The following SYN3 variants were observed in gnomAD, a reference collection of about 807,000 sequenced individuals.
SYN3 encodes synapsin-3.
In SYN3, 35 loss-of-function variants were observed where a neutral mutation model predicts 65.8. The observed-to-expected ratio is 0.53, with a 90% CI of 0.41 to 0.70. The LOEUF is 0.70. Among genes scored for constraint, SYN3 ranks in the 30% least tolerant of loss-of-function variants. The pLI is 0.00. For missense variants in SYN3, 680 were observed against 749.0 expected (o/e 0.91, Z 1.08); for synonymous variants, 270 against 292.9 (o/e 0.92, Z 0.80).
chr22:32,670,358 AT>A (rs1449232503), intron 6 of SYN3, among the ~76,000 whole-genome samples: 2 of 152,192 alleles, frequency 1.3e-5, no homozygotes, highest in African/African-American at 4.8e-5. Context: ...AGGGAATCTG[AT>A]TACACTGGTA....
chr22:32,832,611 G>C (rs1156237886), intron 6 of SYN3, among the ~76,000 whole-genome samples: 2 of 150,762 alleles, frequency 1.3e-5, no homozygotes, highest in Non-Finnish European at 2.9e-5. Context: ...AGTAGAGTAC[G>C]TAGAGTTATT....
intron 6 of SYN3, among the ~76,000 whole-genome samples, chr22:32,760,449 A>T (rs2045447464): frequency 6.6e-6 from 1 of 152,130 alleles, no homozygotes; most frequent in African/African-American, 2.4e-5. Flanking sequence ...ACATGAGGAA[A>T]CGGGGCTCAG....
At position 32,761,940 on chromosome 22, in the gene SYN3, G is replaced by A. The variant is rs929012; in HGVS notation, c.711+102975C>T. Among the ~76,000 whole-genome samples, 290 of 152,294 alleles carry A rather than the reference G, an allele frequency of 1.9e-3. 1 individual carries two copies. The East Asian group carries it at 0.02, about 10-fold the overall frequency. On this transcript the variant is annotated intron_variant, in intron 6 of 13. Transcript: ENST00000358763. ...GGAAGACCTGAAAACGGGGTCCTGC[G>A]GGGCTTGTGAATGACTCAGATGCTG...
chr22:32,613,921 A>C (rs1336860551), intron 6 of SYN3, among the ~76,000 whole-genome samples: 1 of 152,132 alleles, frequency 6.6e-6, no homozygotes, highest in Non-Finnish European at 1.5e-5. Flanking sequence ...GAGCACTTAA[A>C]ACTACAGTCT....
At chr22:32,797,343 C>G (rs147643386) in intron 6 of SYN3, among the ~76,000 whole-genome samples, 1 of 152,246 alleles carries the variant, frequency 6.6e-6, no homozygotes, top group East Asian at 1.9e-4. Flanking sequence ...TAGACTCCAG[C>G]AAGGGAAACA....
intron 6 of SYN3, among the ~76,000 whole-genome samples, chr22:32,823,176 A>G (rs8135037): frequency 0.011 from 1,685 of 152,298 alleles, 33 homozygotes; most frequent in African/African-American, 0.038. Context: ...CTAGAGCATC[A>G]TGTAGGAAGC....
intron 6 of SYN3, chr22:32,862,757 G>C (rs1177347761): frequency 3.8e-4 from 58 of 152,544 alleles, no homozygotes; most frequent in Non-Finnish European, 1.2e-4. Context: ...TTTTTGCTTT[G>C]GGGGTAGAGG....
chr22:32,815,099 T>A lies in SYN3; in HGVS notation c.711+49816A>T, dbSNP rs147737918. Among the ~76,000 whole-genome samples the A allele has an allele frequency of 5.7e-3, 866 of 152,358 alleles. 11 individuals are homozygous for A. The highest frequency in any genetic ancestry group is 0.018 in the African/African-American group (749 of 41,582). ...AGCTACCTGTGGTTAGTGGCCGCCA[T>A]GTTAATACTACAGCACAGGTCAAGA... On this transcript the variant is annotated intron_variant, in intron 6 of 13. Coordinates refer to ENST00000358763, the MANE Select transcript of SYN3 (RefSeq NM_003490.4).
intron 6 of SYN3, among the ~76,000 whole-genome samples, chr22:32,658,081 A>G (rs1457138488): frequency 6.6e-6 from 1 of 152,066 alleles, no homozygotes; most frequent in African/African-American, 2.4e-5. Flanking sequence ...AAGCATGCTG[A>G]GGGGGAGGAG....
At chr22:32,802,535 G>A (rs1225722648) in intron 6 of SYN3, among the ~76,000 whole-genome samples, 4 of 150,304 alleles carry the variant, frequency 2.7e-5, no homozygotes, top group African/African-American at 7.3e-5. Context: ...AAAGTTGCCC[G>A]CCATGTGCAC....
At chr22:32,750,955 G>A (rs2045103631) in intron 6 of SYN3, among the ~76,000 whole-genome samples, 1 of 152,138 alleles carries the variant, frequency 6.6e-6, no homozygotes, top group Non-Finnish European at 1.5e-5. Context: ...ACATCCAGGG[G>A]AGACACCTCA....
intron 7 of SYN3, among the ~76,000 whole-genome samples, chr22:32,593,359 T>C (rs1053213254): frequency 1.3e-5 from 2 of 151,674 alleles, no homozygotes; most frequent in African/African-American, 4.9e-5. Context: ...CTGTTGGGGA[T>C]TATTTTAAGC....
intron 7 of SYN3, among the ~76,000 whole-genome samples, chr22:32,590,555 G>A (rs994853124): frequency 3.9e-5 from 6 of 152,200 alleles, no homozygotes; most frequent in Non-Finnish European, 8.8e-5. Flanking sequence ...AATAACTCCT[G>A]TGCGATCAGC....
At chr22:32,982,806 G>C (rs1024506608) in intron 2 of SYN3, among the ~76,000 whole-genome samples, 1 of 152,176 alleles carries the variant, frequency 6.6e-6, no homozygotes, top group South Asian at 2.1e-4. Flanking sequence ...TCTTGTGCTA[G>C]AAACTCTGCT....
intron 3 of SYN3, among the ~76,000 whole-genome samples, chr22:32,970,703 C>T (rs1601813712): frequency 1.3e-5 from 2 of 151,946 alleles, no homozygotes; most frequent in East Asian, 3.9e-4. Flanking sequence ...TGAATAATAA[C>T]CATTGGGGTT....
chr22:32,858,239 G>A, intron 6 of SYN3: 1 of 1,538,108 alleles, frequency 6.5e-7, no homozygotes, highest in Non-Finnish European at 8.9e-7. Flanking sequence ...CGGCTGGGAA[G>A]GGTATGCATG....
At chr22:32,869,367 T>TCTCACACA (rs61464794) in intron 4 of SYN3, among the ~76,000 whole-genome samples, 17 of 142,476 alleles carry the variant, frequency 1.2e-4, no homozygotes, top group African/African-American at 4.2e-4. Flanking sequence ...TCTCTCTCTC[T>TCTCACACA]CACAGGCTCT....
intron 2 of SYN3, among the ~76,000 whole-genome samples, chr22:32,981,483 G>A (rs1389090188): frequency 6.6e-6 from 1 of 151,834 alleles, no homozygotes; most frequent in Non-Finnish European, 1.5e-5. Context: ...TACCCGGGAG[G>A]CTGAGGCAGG....
intron 7 of SYN3, among the ~76,000 whole-genome samples, chr22:32,576,210 T>C (rs1044832211): frequency 6.6e-6 from 1 of 152,066 alleles, no homozygotes; most frequent in Non-Finnish European, 1.5e-5. Flanking sequence ...TGGCTTGAGG[T>C]CTTCCCACAG....
Sources: gnomAD v4.1 joint callset for allele counts (sites outside exome capture counted in the v4.1 genomes callset) on GRCh38, gnomAD v4.1.1 for gene constraint, MANE v1.5 for transcripts, NCBI Gene and HGNC (gene_info 2026-07-23, HGNC 2026-07-21) for gene names.